ATP13A3: variants seen among roughly 807,000 people sequenced by gnomAD.
The protein encoded by ATP13A3 is ATPase 13A3.
A neutral mutation model predicts 158.1 loss-of-function variants in ATP13A3; 59 were observed. That is an observed-to-expected ratio of 0.37 (90% confidence interval 0.30 to 0.46). The LOEUF is 0.46. Ranked by LOEUF, ATP13A3 falls within the 20% of genes least tolerant of loss-of-function variation. The probability of loss-of-function intolerance (pLI) is 1.00; values close to 1 mark genes in which losing one functional copy is unlikely to be tolerated. For missense variants in ATP13A3, 1,166 were observed against 1,525.2 expected (o/e 0.76, Z 3.92); for synonymous variants, 491 against 504.3 (o/e 0.97, Z 0.35).
At chr3:194,421,653 C>T (rs1228246208) in intron 30 of ATP13A3, among the ~76,000 whole-genome samples, 3 of 150,356 alleles carry the variant, frequency 2.0e-5, no homozygotes, top group Non-Finnish European at 3.0e-5. Context: ...AATGCAGCAA[C>T]TAAAGTATCA....
intron 33 of ATP13A3, among the ~76,000 whole-genome samples, chr3:194,406,921 A>T (rs1027698514): frequency 1.3e-5 from 2 of 152,252 alleles, no homozygotes; most frequent in Non-Finnish European, 2.9e-5. Flanking sequence ...GTATAAAACA[A>T]GTACTATTGC....
At chr3:194,481,938 G>A (rs151173766) in intron 2 of ATP13A3, among the ~76,000 whole-genome samples, 2 of 152,250 alleles carry the variant, frequency 1.3e-5, no homozygotes, top group South Asian at 2.1e-4. Flanking sequence ...TTTACTATTC[G>A]AGTTAATGTT....
chr3:194,492,813 CAT>C (rs1560122468), intron 2 of ATP13A3, among the ~76,000 whole-genome samples: 1 of 152,120 alleles, frequency 6.6e-6, no homozygotes, highest in Non-Finnish European at 1.5e-5. Context: ...TCTATGCAAA[CAT>C]ATTTTTATGT....
chr3:194,454,159 A>C, intron 9 of ATP13A3, 99 bp downstream of exon 9: 1 of 1,186,886 alleles, frequency 8.4e-7, no homozygotes, highest in Non-Finnish European at 1.2e-6. Flanking sequence ...TAATGACTGC[A>C]TTGAGAATTT....
intron 30 of ATP13A3, among the ~76,000 whole-genome samples, chr3:194,423,770 T>A (rs1400220774): frequency 2.6e-5 from 4 of 152,234 alleles, no homozygotes; most frequent in African/African-American, 7.2e-5. Flanking sequence ...AAACCTTTTT[T>A]AATAAGTTTT....
At chr3:194,414,037 T>A (rs1473752134) in intron 31 of ATP13A3, among the ~76,000 whole-genome samples, 198 bp from the exon 32 acceptor site, 1 of 152,098 alleles carries the variant, frequency 6.6e-6, no homozygotes, top group Non-Finnish European at 1.5e-5. Context: ...TTTAAGTAAC[T>A]CAAGGTTAAA....
At chr3:194,419,316 G>A (rs1716119919) in intron 31 of ATP13A3, among the ~76,000 whole-genome samples, 1 of 152,080 alleles carries the variant, frequency 6.6e-6, no homozygotes, top group African/African-American at 2.4e-5. Flanking sequence ...ACATGAGAGT[G>A]CCTTATTGAT....
Position 194,486,615 on chromosome 3 carries a change from C to A in ATP13A3, c.-138G>T. 6.7e-6 allele frequency: 1 copy of A among 149,398 alleles called. No individual in the cohort carries two copies. The highest frequency in any genetic ancestry group is 1.8e-4 in the South Asian group (1 of 5,646). 9.3% of individuals were successfully genotyped at this position (149,398 alleles called of 1,614,324 possible). The stretch of plus-strand genomic sequence containing the variant: ...GCGCCGCCTCCTCCGCGGCCTCCCT[C>A]GCGGCCGGACCAGCCCCAGGGACCG... On this transcript the variant is annotated 5_prime_UTR_variant, in exon 1 of 34. Coordinates refer to ENST00000645319, the MANE Select transcript of ATP13A3 (RefSeq NM_001367549.1).
Position 194,403,604 on chromosome 3 carries a change from T to C in ATP13A3, c.*2315A>G, listed in dbSNP as rs1463258095. ...CAATATTCATCTTAATACATCAAAA[T>C]AATATATGTACAGATTTTAAAATTT... On this transcript the variant is annotated 3_prime_UTR_variant, in exon 34 of 34. Coordinates refer to ENST00000645319, the MANE Select transcript of ATP13A3 (RefSeq NM_001367549.1). The C allele has an allele frequency of 6.6e-6, 1 of 152,206 alleles. No homozygotes were observed. The highest frequency in any genetic ancestry group is 1.5e-5 in the Non-Finnish European group (1 of 68,046). 9.4% of individuals were successfully genotyped at this position (152,206 alleles called of 1,614,324 possible). A position where few individuals can be genotyped will look rare whatever the true frequency, so the allele number is the denominator to read the frequency against.
intron 33 of ATP13A3, among the ~76,000 whole-genome samples, chr3:194,406,965 C>T (rs1238330903): frequency 6.6e-6 from 1 of 152,160 alleles, no homozygotes; most frequent in Non-Finnish European, 1.5e-5. Flanking sequence ...GCTCTGCTGT[C>T]ACTGAAATCC....
chr3:194,424,234 A>G (rs1401052589), intron 30 of ATP13A3, among the ~76,000 whole-genome samples: 1 of 151,558 alleles, frequency 6.6e-6, no homozygotes, highest in Non-Finnish European at 1.5e-5. Context: ...TTTTAAAATA[A>G]TAGTTATTTT....
At chr3:194,478,223 T>C (rs1351517352) in intron 2 of ATP13A3, among the ~76,000 whole-genome samples, 1 of 152,000 alleles carries the variant, frequency 6.6e-6, no homozygotes, top group Non-Finnish European at 1.5e-5. Flanking sequence ...ATGTGCCAAC[T>C]AGTGGTCTAA....
chr3:194,410,435 G>A (rs1335144030), intron 33 of ATP13A3, among the ~76,000 whole-genome samples: 1 of 151,660 alleles, frequency 6.6e-6, no homozygotes, highest in African/African-American at 2.4e-5. Flanking sequence ...GGGCATGGTG[G>A]CATGCACCTC....
At chr3:194,438,658 T>C (rs1560089605) in intron 17 of ATP13A3, among the ~76,000 whole-genome samples, 198 bp downstream of exon 17, 2 of 152,224 alleles carry the variant, frequency 1.3e-5, no homozygotes, top group African/African-American at 2.4e-5. Context: ...GTAAGCAGGC[T>C]GGGGGTGGTG....
In ATP13A3 at chr3:194,448,669, T is replaced by C. The variant is rs745658474; in HGVS notation, c.971-33A>G. The C allele has an allele frequency of 6.3e-7, 1 of 1,580,846 alleles. No individual in the cohort carries two copies. Among genetic ancestry groups the C allele is most frequent in the Non-Finnish European group, 8.6e-7 (1 of 1,164,380 alleles). Reference sequence around the variant, plus strand: ...AAACAACAACAACAACAAAAACAGTTTACAAATTATTAAACGAAAGCACAG... The same window carrying C: ...AAACAACAACAACAACAAAAACAGTCTACAAATTATTAAACGAAAGCACAG... On this transcript the variant is annotated intron_variant, in intron 11 of 33. Coordinates refer to ENST00000645319, the MANE Select transcript of ATP13A3 (RefSeq NM_001367549.1). The surrounding 1 kb of genome is among the most constrained non-coding windows in gnomAD (Gnocchi z 4.0).
At chr3:194,418,457 GACA>G (rs1209866786) in intron 31 of ATP13A3, among the ~76,000 whole-genome samples, 5 of 151,488 alleles carry the variant, frequency 3.3e-5, no homozygotes, top group Admixed American at 1.3e-4. Context: ...TTAAAAAAAA[GACA>G]ACATCCTAAA....
intron 28 of ATP13A3, among the ~76,000 whole-genome samples, chr3:194,427,625 C>T (rs1395868800): frequency 2.1e-5 from 3 of 142,548 alleles, no homozygotes; most frequent in East Asian, 2.0e-4. Flanking sequence ...ATAGTGAAAC[C>T]CCATCTCTAC....
chr3:194,459,539 A>C lies in ATP13A3; in HGVS notation c.411T>G (p.Ile137Met). The C allele has an allele frequency of 6.2e-7, 1 of 1,601,780 alleles. No individual in the cohort carries two copies. The highest frequency in any genetic ancestry group is 8.5e-7 in the Non-Finnish European group (1 of 1,169,624). Residue 137 changes from isoleucine to methionine, a missense_variant and splice_region_variant, in exon 6 of 34, where the codon ATT (isoleucine) becomes ATG (methionine). Physicochemically the swap from Ile to Met is conservative, Grantham distance 10. Coordinates refer to ENST00000645319, the MANE Select transcript of ATP13A3 (RefSeq NM_001367549.1). The part of the protein sequence containing the change: ...SKYSQTESQQ[I>M]RYFTHHSVKY... ...TTACACTATGGTGGGTGAAATAACGAATCTGTGGAACACAAATAAACGTTA... is the reference window on the plus strand; with the variant it reads ...TTACACTATGGTGGGTGAAATAACGCATCTGTGGAACACAAATAAACGTTA...
At chr3:194,428,231 A>AAAAAAAAAAAAG (rs557252872) in intron 28 of ATP13A3, among the ~76,000 whole-genome samples, 1 of 141,790 alleles carries the variant, frequency 7.1e-6, no homozygotes, top group African/African-American at 2.8e-5. Context: ...AAAAAAAAAA[A>AAAAAAAAAAAAG]AAAAAAGAAA....
Sources: gnomAD v4.1 joint callset for allele counts (sites outside exome capture counted in the v4.1 genomes callset) on GRCh38, gnomAD v4.1.1 for gene constraint, Gnocchi (gnomAD v3.1) non-coding constraint, MANE v1.5 for transcripts, NCBI Gene and HGNC (gene_info 2026-07-23, HGNC 2026-07-21) for gene names.